The following MAN2A1 variants were observed in gnomAD, a reference collection of about 807,000 sequenced individuals.
MAN2A1 encodes the protein alpha-mannosidase 2.
MAN2A1 carries 76 observed loss-of-function variants against 142.6 expected under a neutral mutation model. The observed-to-expected ratio is 0.53, with a 90% CI of 0.44 to 0.65. The LOEUF (loss-of-function observed/expected upper bound fraction) is 0.65, where lower values mean the gene tolerates loss of function less well. Among genes scored for constraint, MAN2A1 ranks in the 30% least tolerant of loss-of-function variants. The pLI is 0.00. For synonymous variants in MAN2A1, 559 were observed against 473.2 expected (o/e 1.18, Z -2.35); for missense variants, 1,311 against 1,365.1 (o/e 0.96, Z 0.62).
intron 3 of MAN2A1, among the ~76,000 whole-genome samples, chr5:109,728,242 G>T (rs967629919): frequency 6.6e-6 from 1 of 151,950 alleles, no homozygotes; most frequent in Non-Finnish European, 1.5e-5. Flanking sequence ...GCCCTGGCAG[G>T]CTTTTATTTT....
At chr5:109,709,045 G>T (rs1751221303) in intron 1 of MAN2A1, among the ~76,000 whole-genome samples, 1 of 152,164 alleles carries the variant, frequency 6.6e-6, no homozygotes, top group East Asian at 1.9e-4. Flanking sequence ...TAAAGGATGG[G>T]CCCAGTGCCT....
intron 4 of MAN2A1, among the ~76,000 whole-genome samples, chr5:109,737,765 C>T (rs772734646): frequency 6.6e-6 from 1 of 152,030 alleles, no homozygotes; most frequent in Non-Finnish European, 1.5e-5. Context: ...CCAGTTTTAC[C>T]TGTGTTAAAT....
intron 8 of MAN2A1, among the ~76,000 whole-genome samples, chr5:109,775,967 A>G (rs907434868): frequency 2.6e-4 from 39 of 152,178 alleles, no homozygotes; most frequent in African/African-American, 8.7e-4. Context: ...ATGAATTTTG[A>G]TACATGCGGA....
At chr5:109,830,749 C>T (rs1314087475) in intron 16 of MAN2A1, among the ~76,000 whole-genome samples, 1 of 152,164 alleles carries the variant, frequency 6.6e-6, no homozygotes, top group Admixed American at 6.5e-5. Context: ...ATGCAATTGA[C>T]TGCTAAGGAT....
chr5:109,740,086 C>T (rs1561487901), intron 4 of MAN2A1, among the ~76,000 whole-genome samples: 1 of 152,144 alleles, frequency 6.6e-6, no homozygotes, highest in East Asian at 1.9e-4. Flanking sequence ...GGACTTTTAG[C>T]CTGTCTTCAG....
intron 12 of MAN2A1, among the ~76,000 whole-genome samples, chr5:109,803,042 T>A (rs1754072312): frequency 6.6e-6 from 1 of 152,056 alleles, no homozygotes; most frequent in South Asian, 2.1e-4. Flanking sequence ...TTTTAAGTGA[T>A]ATGCAGTGTG....
At chr5:109,706,480 T>C (rs1751136515) in intron 1 of MAN2A1, among the ~76,000 whole-genome samples, 1 of 152,190 alleles carries the variant, frequency 6.6e-6, no homozygotes. Flanking sequence ...ATTTTGCCCA[T>C]AGAAACTGAG....
At chr5:109,785,370 G>T (rs1344597846) in intron 10 of MAN2A1, among the ~76,000 whole-genome samples, 2 of 149,482 alleles carry the variant, frequency 1.3e-5, no homozygotes, top group African/African-American at 4.9e-5. Flanking sequence ...TTTTTAAGAG[G>T]CATATTGACA....
chr5:109,695,128 T>C (rs908367268), intron 1 of MAN2A1, among the ~76,000 whole-genome samples: 6 of 152,224 alleles, frequency 3.9e-5, no homozygotes, highest in Non-Finnish European at 8.8e-5. Flanking sequence ...ATCAGCATTT[T>C]TCACTAAGAC....
At chr5:109,735,576 T>C (rs560923860) in intron 4 of MAN2A1, among the ~76,000 whole-genome samples, 156 of 152,296 alleles carry the variant, frequency 1.0e-3, no homozygotes, top group Admixed American at 3.0e-3. Flanking sequence ...TCTAGTGAGA[T>C]GAACCCGGTA....
intron 4 of MAN2A1, among the ~76,000 whole-genome samples, chr5:109,740,743 T>C (rs1212243538): frequency 1.3e-5 from 2 of 152,128 alleles, no homozygotes; most frequent in South Asian, 4.1e-4. Context: ...TTATTTATGC[T>C]GGGATTCCAT....
At chr5:109,823,441 A>G (rs569034358) in intron 15 of MAN2A1, among the ~76,000 whole-genome samples, 1 of 152,214 alleles carries the variant, frequency 6.6e-6, no homozygotes, top group African/African-American at 2.4e-5. Context: ...ATATGGACAA[A>G]TAGAAGGATT....
At chr5:109,736,106 T>C (rs929036557) in intron 4 of MAN2A1, among the ~76,000 whole-genome samples, 1 of 152,020 alleles carries the variant, frequency 6.6e-6, no homozygotes, top group African/African-American at 2.4e-5. Context: ...TTACGTAAAA[T>C]ACCTAGAGTT....
intron 4 of MAN2A1, among the ~76,000 whole-genome samples, chr5:109,735,000 G>T (rs999432379): frequency 5.9e-5 from 9 of 152,258 alleles, no homozygotes; most frequent in Admixed American, 5.2e-4. Context: ...TATTGTGTGG[G>T]AGTCTTAAGT....
intron 12 of MAN2A1, chr5:109,804,194 T>C: frequency 1.0e-6 from 1 of 987,274 alleles, no homozygotes; most frequent in Non-Finnish European, 1.2e-6. Flanking sequence ...AGGAAAAGGA[T>C]TTTAGTGAAG....
At chr5:109,821,095 GA>G (rs1754610720) in intron 15 of MAN2A1, among the ~76,000 whole-genome samples, 1 of 152,080 alleles carries the variant, frequency 6.6e-6, no homozygotes, top group African/African-American at 2.4e-5. Context: ...AGAAACTAAA[GA>G]AAACATTAAA....
intron 12 of MAN2A1, among the ~76,000 whole-genome samples, chr5:109,802,635 A>G (rs1042269408): frequency 1.3e-5 from 2 of 152,136 alleles, no homozygotes; most frequent in African/African-American, 4.8e-5. Flanking sequence ...GATTCCCATC[A>G]TTTCAAAAAT....
intron 3 of MAN2A1, among the ~76,000 whole-genome samples, chr5:109,722,978 G>A (rs760303683): frequency 8.6e-5 from 13 of 151,994 alleles, no homozygotes; most frequent in Admixed American, 8.5e-4. Context: ...ATGAGGGAGG[G>A]GAGGAGCTTT....
intron 12 of MAN2A1, 68 bp downstream of exon 12, chr5:109,789,595 G>T: frequency 1.9e-6 from 2 of 1,047,662 alleles, no homozygotes; most frequent in Non-Finnish European, 2.7e-6. Context: ...TTATGGTTCT[G>T]GTTTTTAGTT....
Sources: gnomAD v4.1 joint callset for allele counts (sites outside exome capture counted in the v4.1 genomes callset) on GRCh38, gnomAD v4.1.1 for gene constraint, MANE v1.5 for transcripts, NCBI Gene and HGNC (gene_info 2026-07-23, HGNC 2026-07-21) for gene names.